The following SGCZ variants were observed in gnomAD, a reference collection of about 807,000 sequenced individuals.
SGCZ encodes the protein zeta-sarcoglycan.
A neutral mutation model predicts 41.3 loss-of-function variants in SGCZ; 40 were observed. The observed-to-expected ratio is 0.97, with a 90% CI of 0.75 to 1.26. SGCZ has a LOEUF of 1.26. Among genes scored for constraint, SGCZ ranks in the 50% most tolerant of loss-of-function variants. The pLI, the probability that SGCZ is intolerant of heterozygous loss-of-function variation, is 0.00. For missense variants in SGCZ, 552 were observed against 369.8 expected (o/e 1.49, Z -4.04); for synonymous variants, 206 against 137.5 (o/e 1.50, Z -3.49).
At chr8:14,235,719 C>T (rs560470661) in intron 4 of SGCZ, among the ~76,000 whole-genome samples, 61 of 152,246 alleles carry the variant, frequency 4.0e-4, no homozygotes, top group Admixed American at 6.5e-4. Flanking sequence ...GAGTCTCACT[C>T]TATTCCCCAG....
intron 5 of SGCZ, among the ~76,000 whole-genome samples, chr8:14,145,941 C>A (rs577018650): frequency 5.1e-4 from 77 of 152,164 alleles, no homozygotes; most frequent in African/African-American, 1.8e-3. Context: ...CCTATAGGAT[C>A]TAGAAAATAG....
intron 1 of SGCZ, among the ~76,000 whole-genome samples, chr8:14,985,890 T>C (rs17574078): frequency 0.3 from 45,669 of 152,104 alleles, 7,211 homozygotes; most frequent in East Asian, 0.47. Context: ...GAAATGAATG[T>C]GGCAGAAAAC....
chr8:15,173,541 A>ATATG (rs1379331890), intron 1 of SGCZ, among the ~76,000 whole-genome samples: 1 of 152,190 alleles, frequency 6.6e-6, no homozygotes, highest in Non-Finnish European at 1.5e-5. Context: ...GTATATTATA[A>ATATG]TATGTAGTAT....
chr8:14,658,655 T>C (rs1195026153), intron 1 of SGCZ, among the ~76,000 whole-genome samples: 1 of 152,162 alleles, frequency 6.6e-6, no homozygotes, highest in African/African-American at 2.4e-5. Flanking sequence ...TTGCCTGAAG[T>C]CTTTCCATAC....
chr8:14,257,338 C>A (rs1012909718), intron 3 of SGCZ, among the ~76,000 whole-genome samples: 10 of 145,280 alleles, frequency 6.9e-5, no homozygotes, highest in South Asian at 2.2e-4. Flanking sequence ...TGGAGTGAGA[C>A]CCTGTCTCCA....
At chr8:15,024,848 A>G (rs1196702046) in intron 1 of SGCZ, among the ~76,000 whole-genome samples, 1 of 152,086 alleles carries the variant, frequency 6.6e-6, no homozygotes, top group Non-Finnish European at 1.5e-5. Context: ...AGGCAGGAGA[A>G]TGGCGTGAAC....
chr8:15,028,474 T>C (rs993444290), intron 1 of SGCZ, among the ~76,000 whole-genome samples: 1 of 147,946 alleles, frequency 6.8e-6, no homozygotes, highest in Admixed American at 6.8e-5. Context: ...CACCATCGTC[T>C]AAGTTGAAGT....
intron 5 of SGCZ, among the ~76,000 whole-genome samples, chr8:14,132,342 C>G (rs536657870): frequency 4.8e-4 from 73 of 152,220 alleles, no homozygotes; most frequent in African/African-American, 1.7e-3. Flanking sequence ...TATGTGTACA[C>G]AACACATGAT....
At chr8:15,078,907 T>C (rs1805643220) in intron 1 of SGCZ, among the ~76,000 whole-genome samples, 1 of 152,146 alleles carries the variant, frequency 6.6e-6, no homozygotes, top group African/African-American at 2.4e-5. Context: ...AGAATTTAGA[T>C]AACATTTTCC....
chr8:14,775,035 T>G (rs1282706535), intron 1 of SGCZ, among the ~76,000 whole-genome samples: 1 of 152,104 alleles, frequency 6.6e-6, no homozygotes, highest in East Asian at 1.9e-4. Context: ...CATAAACAAA[T>G]TATTCACAAT....
chr8:14,580,559 T>C (rs1804854300), intron 1 of SGCZ, among the ~76,000 whole-genome samples: 1 of 152,140 alleles, frequency 6.6e-6, no homozygotes, highest in African/African-American at 2.4e-5. Flanking sequence ...TAAATTGTAA[T>C]AGAAATAAAA....
chr8:14,570,045 T>C (rs1804504535), intron 1 of SGCZ, among the ~76,000 whole-genome samples: 1 of 152,114 alleles, frequency 6.6e-6, no homozygotes, highest in Admixed American at 6.5e-5. Context: ...CTGATTTGTT[T>C]CTTTTTGGAA....
chr8:14,355,300 A>G (rs1803254486), intron 2 of SGCZ, among the ~76,000 whole-genome samples: 1 of 152,114 alleles, frequency 6.6e-6, no homozygotes, highest in Non-Finnish European at 1.5e-5. Flanking sequence ...CTCAAAGTCT[A>G]TATTCTCTCT....
At chr8:15,192,478 T>C (rs1800574399) in intron 1 of SGCZ, among the ~76,000 whole-genome samples, 1 of 152,172 alleles carries the variant, frequency 6.6e-6, no homozygotes, top group Admixed American at 6.5e-5. Context: ...ATTTAAATAT[T>C]TTCTAGTCAT....
At chr8:14,246,187 G>A (rs1247372828) in intron 3 of SGCZ, among the ~76,000 whole-genome samples, 3 of 152,076 alleles carry the variant, frequency 2.0e-5, no homozygotes, top group African/African-American at 7.2e-5. Flanking sequence ...GCAAAGACTT[G>A]GAACCAAACC....
At chr8:14,760,425 G>C (rs1294653711) in intron 1 of SGCZ, among the ~76,000 whole-genome samples, 1 of 152,136 alleles carries the variant, frequency 6.6e-6, no homozygotes, top group Non-Finnish European at 1.5e-5. Context: ...CACCCTCTTT[G>C]TACAGCCAGA....
intron 4 of SGCZ, among the ~76,000 whole-genome samples, chr8:14,232,192 C>T (rs1806596770): frequency 6.6e-6 from 1 of 151,898 alleles, no homozygotes; most frequent in African/African-American, 2.4e-5. Flanking sequence ...CTGATTGACA[C>T]ACTCTGAGAA....
chr8:14,736,564 G>A (rs1799037763), intron 1 of SGCZ, among the ~76,000 whole-genome samples: 1 of 151,860 alleles, frequency 6.6e-6, no homozygotes, highest in Non-Finnish European at 1.5e-5. Flanking sequence ...TAAGATCCTG[G>A]TGCACCCATC....
chr8:15,150,310 T>C (rs1799142459), intron 1 of SGCZ, among the ~76,000 whole-genome samples: 1 of 152,340 alleles, frequency 6.6e-6, no homozygotes, highest in South Asian at 2.1e-4. Context: ...CTATTCTGAA[T>C]ATATAAAATA....
Sources: gnomAD v4.1 joint callset for allele counts (sites outside exome capture counted in the v4.1 genomes callset) on GRCh38, gnomAD v4.1.1 for gene constraint, MANE v1.5 for transcripts, NCBI Gene and HGNC (gene_info 2026-07-23, HGNC 2026-07-21) for gene names.